Variants in ESRRG observed in about 807,000 individuals in gnomAD.
ESRRG encodes the protein estrogen related receptor gamma, also known as estrogen-related receptor gamma.
Under a neutral mutation model 44.0 loss-of-function variants are expected in ESRRG, and 13 were observed. That is an observed-to-expected ratio of 0.30 (90% CI 0.19 to 0.47). The LOEUF is 0.47. Among genes scored for constraint, ESRRG ranks in the 20% least tolerant of loss-of-function variants. The pLI is 1.00. For missense variants in ESRRG, 395 were observed against 580.6 expected (o/e 0.68, Z 3.29); for synonymous variants, 215 against 214.6 (o/e 1.00, Z -0.02).
At chr1:216,686,154 G>T (rs2077901676) in intron 1 of ESRRG, 1 of 152,112 alleles carries the variant, frequency 6.6e-6, no homozygotes, top group Admixed American at 6.5e-5. Flanking sequence ...TATAGCAGAG[G>T]TGACATTATA....
In ESRRG at chr1:216,808,757, A is replaced by G. The variant is rs141030528; in HGVS notation, c.-14+130825T>C. Among the ~76,000 whole-genome samples the G allele has an allele frequency of 7.1e-3, 1,077 of 152,230 alleles. 8 individuals are homozygous for G. The highest frequency in any genetic ancestry group is 0.041 in the Middle Eastern group (12 of 294). Reference sequence around the variant, plus strand: ...AAATTTTAAATGTGGGGACTATAACATCAGGTTTGATCATAAACAAGTGCA... The same window carrying G: ...AAATTTTAAATGTGGGGACTATAACGTCAGGTTTGATCATAAACAAGTGCA... On this transcript the variant is annotated intron_variant, in intron 2 of 7. Coordinates refer to the ESRRG transcript ENST00000359162.
intron 1 of ESRRG, among the ~76,000 whole-genome samples, chr1:217,118,931 T>C (rs1227380724): frequency 6.6e-6 from 1 of 152,012 alleles, no homozygotes; most frequent in Non-Finnish European, 1.5e-5. Context: ...CATTAGAGAC[T>C]GAAGTGAGCC....
At chr1:216,646,260 T>C (rs1250008475) in intron 3 of ESRRG, among the ~76,000 whole-genome samples, 1 of 152,146 alleles carries the variant, frequency 6.6e-6, no homozygotes, top group Non-Finnish European at 1.5e-5. Context: ...ATTGATGTGC[T>C]TCTATAAAAA....
At chr1:216,587,056 T>C (rs2056793010) in intron 3 of ESRRG, among the ~76,000 whole-genome samples, 1 of 152,166 alleles carries the variant, frequency 6.6e-6, no homozygotes. Flanking sequence ...ATAAATCCTA[T>C]ATATATCTGT....
rs143115979 is a variant in ESRRG at position 216,860,956 on chromosome 1, A to T, written c.-14+78626T>A. Among the ~76,000 whole-genome samples, 102 of 152,282 alleles carry T rather than the reference A, an allele frequency of 6.7e-4. No homozygotes were observed. In the Middle Eastern group the frequency reaches 0.01, roughly 15 times the overall value. On this transcript the variant is annotated intron_variant, in intron 2 of 7. Transcript: ENST00000359162. ...GAGCAAAACGTGAAAAGAATAGCAC[A>T]GAGGTCGAGGGAGGAAACATGGAAA... is the stretch of plus-strand genomic sequence containing the variant.
intron 1 of ESRRG, among the ~76,000 whole-genome samples, chr1:217,113,993 T>C (rs956168675): frequency 1.3e-4 from 20 of 151,466 alleles, no homozygotes; most frequent in Non-Finnish European, 2.6e-4. Flanking sequence ...AGTTAGACCA[T>C]GTTTCTAAAA....
At chr1:216,819,633 C>T (rs546245752) in intron 2 of ESRRG, among the ~76,000 whole-genome samples, 286 of 148,280 alleles carry the variant, frequency 1.9e-3, no homozygotes, top group African/African-American at 6.8e-3. Context: ...GTATTTAGTA[C>T]TTTTTTTTTT....
At chr1:216,616,657 C>T (rs2061465341) in intron 3 of ESRRG, among the ~76,000 whole-genome samples, 1 of 152,080 alleles carries the variant, frequency 6.6e-6, no homozygotes, top group Non-Finnish European at 1.5e-5. Flanking sequence ...AAGGCCTTTG[C>T]TGATTTTATA....
chr1:216,865,909 C>T (rs182365690), intron 2 of ESRRG, among the ~76,000 whole-genome samples: 26 of 152,228 alleles, frequency 1.7e-4, no homozygotes, highest in African/African-American at 4.6e-4. Context: ...GTACAAGTTC[C>T]AGAGTCTTAA....
chr1:216,723,284 G>A lies in ESRRG; in HGVS notation c.16C>T (p.Leu6Phe), dbSNP rs753168939. The A allele has an allele frequency of 5.5e-5, 88 of 1,613,458 alleles. No individual in the cohort carries two copies. Among genetic ancestry groups the A allele is most frequent in the Admixed American group, 1.3e-4 (8 of 59,962 alleles). Residue 6 changes from leucine (L) to phenylalanine (F), a missense_variant, in exon 1 of 7, where the codon CTT (leucine) becomes TTT (phenylalanine). Physicochemically the swap from Leu to Phe is conservative, Grantham distance 22. This residue lies in a region of ESRRG where 148 missense variants were observed against 150.4 expected (regional missense o/e 0.98). Transcript: ENST00000408911. ...AGGGAAAAAGATTCAGGAAGGCAAA[G>A]TTCTACCGAATCCATGTGCGACCGG... MDSVE[L>F]CLPESFSLHY...
intron 1 of ESRRG, among the ~76,000 whole-genome samples, chr1:217,065,652 T>C (rs2089512538): frequency 6.6e-6 from 1 of 152,118 alleles, no homozygotes; most frequent in African/African-American, 2.4e-5. Context: ...TGTCTGCCAT[T>C]TACACACAAC....
chr1:216,774,075 T>C (rs961348097), intron 2 of ESRRG, among the ~76,000 whole-genome samples: 1 of 152,092 alleles, frequency 6.6e-6, no homozygotes, highest in Admixed American at 6.6e-5. Flanking sequence ...TTCACAGCCA[T>C]AGAGGCCACA....
chr1:217,069,517 GTTGCCTAACC>G (rs1236563953), intron 1 of ESRRG, among the ~76,000 whole-genome samples: 1 of 151,760 alleles, frequency 6.6e-6, no homozygotes, highest in African/African-American at 2.4e-5. Context: ...ACTTAAGAAG[GTTGCCTAACC>G]TTGACTTTAA....
At chr1:216,650,865 C>G in intron 3 of ESRRG, 108 bp downstream of exon 3, 1 of 740,568 alleles carries the variant, frequency 1.4e-6, no homozygotes, top group Non-Finnish European at 2.5e-6. Flanking sequence ...AGTCAGGGTA[C>G]TTACTGTTAC....
chr1:216,548,973 C>T (rs577066529), intron 5 of ESRRG, among the ~76,000 whole-genome samples: 65 of 152,066 alleles, frequency 4.3e-4, no homozygotes, highest in African/African-American at 1.1e-3. Context: ...AATAAGGGAC[C>T]TAGCAGGCCA....
intron 1 of ESRRG, among the ~76,000 whole-genome samples, chr1:217,095,250 T>C (rs570849155): frequency 1.3e-5 from 2 of 152,384 alleles, no homozygotes; most frequent in Admixed American, 6.5e-5. Context: ...TTCAGAATGA[T>C]GGCCTTGAGA....
chr1:216,855,101 A>G (rs949972748), intron 2 of ESRRG: 1 of 152,136 alleles, frequency 6.6e-6, no homozygotes, highest in Non-Finnish European at 1.5e-5. Context: ...ATTTTGGAAG[A>G]ATTTTTCCCA....
At position 216,877,400 on chromosome 1, in the gene ESRRG, T is replaced by C. The variant is rs1010019716; in HGVS notation, c.-14+62182A>G. 1.2e-3 allele frequency among the ~76,000 whole-genome samples: 186 copies of C among 150,424 alleles called. 1 individual carries two copies. Among genetic ancestry groups the C allele is most frequent in the Non-Finnish European group, 2.3e-3 (157 of 67,184 alleles). On this transcript the variant is annotated intron_variant, in intron 2 of 7. Coordinates refer to the ESRRG transcript ENST00000359162. ...TGGTGTTTTTTTTTGTTTGTTTGTT[T>C]GTTTGTTTGTTTGTTTGTTTTGAGA...
At chr1:216,619,898 A>T (rs373304345) in intron 3 of ESRRG, among the ~76,000 whole-genome samples, 1 of 152,224 alleles carries the variant, frequency 6.6e-6, no homozygotes, top group Admixed American at 6.5e-5. Flanking sequence ...TAATATGCCT[A>T]TTCAATGTGA....
Sources: allele counts gnomAD v4.1 joint callset (sites outside exome capture counted in the v4.1 genomes callset), GRCh38; gene constraint gnomAD v4.1.1; regional missense constraint gnomAD v4.1.1; transcripts MANE v1.5; gene names NCBI Gene and HGNC (gene_info 2026-07-23, HGNC 2026-07-21).